The following C3orf18 variants were observed in gnomAD, a reference collection of about 807,000 sequenced individuals.
The protein encoded by C3orf18 is chromosome 3 open reading frame 18.
A neutral mutation model predicts 14.1 loss-of-function variants in C3orf18; 12 were observed. The observed-to-expected ratio is 0.85, with a 90% CI of 0.55 to 1.38. The LOEUF is 1.38. Among genes scored for constraint, C3orf18 ranks in the 40% most tolerant of loss-of-function variants. The pLI is 0.00. For synonymous variants in C3orf18, 82 were observed against 87.9 expected, an observed-to-expected ratio of 0.93 and a Z score of 0.38; for missense variants, 196 against 213.9, an observed-to-expected ratio of 0.92 and a Z score of 0.52.
Position 50,559,712 on chromosome 3 carries a change from A to G in C3orf18, c.434T>C (p.Leu145Pro). ...GKTTLPSQGP[L>P]QRPSRLVFTD... ...AAACACCAGCCGGCTGGGTCTCTGC[A>G]GTGGGCCCTGGGAGGGCAGAGTAGT... The change falls in exon 6 of 6, where the codon CTG becomes CCG. Residue 145 changes from leucine to proline, a missense_variant. Physicochemically the swap from Leu to Pro is moderately conservative, Grantham distance 98. Transcript: ENST00000357203. 11 of 1,595,528 alleles carry G rather than the reference A, an allele frequency of 6.9e-6. No homozygotes were observed. Among genetic ancestry groups the G allele is most frequent in the South Asian group, 1.1e-5 (1 of 87,676 alleles).
Position 50,559,397 on chromosome 3 carries a change from C to T in C3orf18, c.*260G>A. 3 of 1,366,898 alleles carry T rather than the reference C, an allele frequency of 2.2e-6. No individual in the cohort carries two copies. Among genetic ancestry groups the T allele is most frequent in the Non-Finnish European group, 2.8e-6 (3 of 1,057,032 alleles). The allele number at this position is 1,366,898 out of a possible 1,614,324, so 84.7% of individuals were successfully genotyped here. On this transcript the variant is annotated 3_prime_UTR_variant, in exon 6 of 6. Transcript: ENST00000357203. ...TGAGGAAGCCAGCAGAGGCTCTTGACCTTCTCAGCATGAGGGATGCCCTCT... is the reference window on the plus strand; with the variant it reads ...TGAGGAAGCCAGCAGAGGCTCTTGATCTTCTCAGCATGAGGGATGCCCTCT...
At position 50,559,187 on chromosome 3, in the gene C3orf18, C is replaced by G; in HGVS notation, c.*470G>C. On this transcript the variant is annotated 3_prime_UTR_variant, in exon 6 of 6. Transcript: ENST00000357203. Reference sequence around the variant, plus strand: ...GGCCCATAACAGATGCTGCCCTACCCTGTCCCTATAACTTGGGTGGTTTCC... The same window carrying G: ...GGCCCATAACAGATGCTGCCCTACCGTGTCCCTATAACTTGGGTGGTTTCC... The G allele has an allele frequency of 7.8e-7, 1 of 1,290,064 alleles. No individual in the cohort carries two copies. Among genetic ancestry groups the G allele is most frequent in the Non-Finnish European group, 1.0e-6 (1 of 989,178 alleles). The allele number at this position is 1,290,064 out of a possible 1,614,324, so 79.9% of individuals were successfully genotyped here.
Position 50,559,493 on chromosome 3 carries a change from T to A in C3orf18, c.*164A>T. 7.0e-7 allele frequency: 1 copy of A among 1,427,418 alleles called. No individual in the cohort carries two copies. The highest frequency in any genetic ancestry group is 1.6e-5 in the South Asian group (1 of 64,100). 88.4% of individuals were successfully genotyped at this position (1,427,418 alleles called of 1,614,324 possible). On this transcript the variant is annotated 3_prime_UTR_variant, in exon 6 of 6. Transcript: ENST00000357203. ...GCCTGGCTAGGGCCCTCTCTTAGAG[T>A]CTAAAGTCAGCAGGTGGGTCTGGAG...
upstream of C3orf18, among the ~76,000 whole-genome samples, chr3:50,573,265 A>G (rs417592): frequency 0.78 from 118,435 of 152,164 alleles, 47,039 homozygotes; most frequent in Middle Eastern, 0.89. Context: ...TCAGAGCCCC[A>G]TCCCTCACAT....
At position 50,559,703 on chromosome 3, in the gene C3orf18, G is replaced by A; in HGVS notation, c.443C>T (p.Pro148Leu). 1 of 1,596,330 alleles carries A rather than the reference G, an allele frequency of 6.3e-7. No homozygotes were observed. Among genetic ancestry groups the A allele is most frequent in the Non-Finnish European group, 8.5e-7 (1 of 1,171,302 alleles). Reference protein sequence around the residue: ...TLPSQGPLQRPSRLVFTDVAN... With the variant: ...TLPSQGPLQRLSRLVFTDVAN... ...CACATCGGTAAACACCAGCCGGCTGGGTCTCTGCAGTGGGCCCTGGGAGGG... is the reference window on the plus strand; with the variant it reads ...CACATCGGTAAACACCAGCCGGCTGAGTCTCTGCAGTGGGCCCTGGGAGGG... Residue 148 changes from proline (P) to leucine (L), a missense_variant, in exon 6 of 6, where the codon CCC becomes CTC. Transcript: ENST00000357203.
At chr3:50,571,839 G>T, upstream of C3orf18, 1 of 1,583,858 alleles carries the variant, frequency 6.3e-7, no homozygotes, top group Non-Finnish European at 8.7e-7. Context: ...GATGTGTTCA[G>T]GGAGCAGCAG....
chr3:50,567,418 G>GT (rs1254749955), intron 1 of C3orf18, 45 bp downstream of exon 1: 7 of 152,732 alleles, frequency 4.6e-5, no homozygotes, highest in African/African-American at 1.7e-4. Flanking sequence ...CCGCGACCCT[G>GT]TGATGCCTCC....
upstream of C3orf18, chr3:50,572,256 C>G: frequency 6.4e-7 from 1 of 1,572,148 alleles, no homozygotes; most frequent in Non-Finnish European, 8.6e-7. Context: ...TGGTGGAGTT[C>G]AGGGCACCAG....
intron 3 of C3orf18, among the ~76,000 whole-genome samples, chr3:50,562,925 G>A (rs9866838): frequency 0.011 from 1,608 of 152,298 alleles, 39 homozygotes; most frequent in African/African-American, 0.036. Flanking sequence ...GGAGAGGGAG[G>A]AAGTGGGTAA....
rs1472287632 is a variant in C3orf18 at position 50,566,001 on chromosome 3, C to G, written c.-163+5G>C. The G allele has an allele frequency of 8.0e-6, 3 of 374,074 alleles. No individual in the cohort carries two copies. The highest frequency in any genetic ancestry group is 1.5e-5 in the Non-Finnish European group (3 of 204,422). The allele number at this position is 374,074 out of a possible 1,614,324, so 23.2% of individuals were successfully genotyped here. A position where few individuals can be genotyped will look rare whatever the true frequency, so the allele number is the denominator to read the frequency against. On this transcript the variant is annotated splice_donor_5th_base_variant and intron_variant, in intron 2 of 5. Coordinates refer to ENST00000357203, the MANE Select transcript of C3orf18 (RefSeq NM_016210.5). ...GGTAAGTTCAGGAGACATTAGGACA[C>G]ATACTTTACGTATCTACGGTGCCCC...
Position 50,561,644 on chromosome 3 carries a change from C to G in C3orf18, c.260+78G>C, listed in dbSNP as rs1699974492. 3 of 1,430,848 alleles carry G rather than the reference C, an allele frequency of 2.1e-6. No individual in the cohort carries two copies. The East Asian group carries it at 6.8e-5, about 33-fold the overall frequency. 88.6% of individuals were successfully genotyped at this position (1,430,848 alleles called of 1,614,324 possible). On this transcript the variant is annotated intron_variant, in intron 4 of 5. Transcript: ENST00000357203. The stretch of plus-strand genomic sequence containing the variant: ...TTGACTCCCTGATCAGCTTTTCACC[C>G]ACTTCCTTCGGAGCCCAGCCCAGCA...
At chr3:50,571,783 G>A, upstream of C3orf18, 5 of 1,614,170 alleles carry the variant, frequency 3.1e-6, no homozygotes, top group Non-Finnish European at 4.2e-6. Flanking sequence ...CGGGAGCTGA[G>A]TAGCCGTCGA....
chr3:50,558,621 T>C lies in C3orf18; in HGVS notation c.*1036A>G. On this transcript the variant is annotated 3_prime_UTR_variant, in exon 6 of 6. Coordinates refer to ENST00000357203, the MANE Select transcript of C3orf18 (RefSeq NM_016210.5). ...CCCCCTCTAGCCTGCAGCCTGTGAT[T>C]ACTGCCCTCAGACCAACAGCCTCTC... 1 of 1,158,780 alleles carries C rather than the reference T, an allele frequency of 8.6e-7. No individual in the cohort carries two copies. The highest frequency in any genetic ancestry group is 1.1e-6 in the Non-Finnish European group (1 of 891,164). The allele number at this position is 1,158,780 out of a possible 1,614,324, so 71.8% of individuals were successfully genotyped here.
At position 50,559,428 on chromosome 3, in the gene C3orf18, A is replaced by G; in HGVS notation, c.*229T>C. ...CAGCATGAGGGATGCCCTCTGTGCC[A>G]GGGCCCTCAGGTCAGGAGAAGTCAG... On this transcript the variant is annotated 3_prime_UTR_variant, in exon 6 of 6. Coordinates refer to ENST00000357203, the MANE Select transcript of C3orf18 (RefSeq NM_016210.5). 7.2e-7 allele frequency: 1 copy of G among 1,396,214 alleles called. No homozygotes were observed. The allele number at this position is 1,396,214 out of a possible 1,614,324, so 86.5% of individuals were successfully genotyped here.
At chr3:50,566,372 T>TC (rs1418790563) in intron 1 of C3orf18, among the ~76,000 whole-genome samples, 1 of 152,102 alleles carries the variant, frequency 6.6e-6, no homozygotes, top group Non-Finnish European at 1.5e-5. Flanking sequence ...CACCTCTCTG[T>TC]GTCTCCGTTT....
At chr3:50,566,649 G>A (rs1700319492) in intron 1 of C3orf18, among the ~76,000 whole-genome samples, 1 of 152,124 alleles carries the variant, frequency 6.6e-6, no homozygotes, top group Non-Finnish European at 1.5e-5. Flanking sequence ...AAGACAAGAA[G>A]GAGAGAGAGG....
At chr3:50,571,054 T>G (rs376978330), upstream of C3orf18, 12 of 1,421,310 alleles carry the variant, frequency 8.4e-6, no homozygotes, top group Non-Finnish European at 1.1e-5. Flanking sequence ...GCTGACATCA[T>G]AAAGCAGACT....
intron 3 of C3orf18, among the ~76,000 whole-genome samples, chr3:50,564,963 A>G (rs1700199525): frequency 6.6e-6 from 1 of 152,186 alleles, no homozygotes; most frequent in Non-Finnish European, 1.5e-5. Context: ...AGCTCAAGAC[A>G]CCATGTATTC....
chr3:50,564,793 A>G (rs1700186341), intron 3 of C3orf18, among the ~76,000 whole-genome samples: 1 of 152,196 alleles, frequency 6.6e-6, no homozygotes, highest in Non-Finnish European at 1.5e-5. Context: ...CCCACGGTCC[A>G]CATCAACCAC....
Sources: allele counts gnomAD v4.1 joint callset (sites outside exome capture counted in the v4.1 genomes callset), GRCh38; gene constraint gnomAD v4.1.1; transcripts MANE v1.5; gene names NCBI Gene and HGNC (gene_info 2026-07-23, HGNC 2026-07-21).